Variants in GRAMD2B observed in about 807,000 individuals in gnomAD.
GRAMD2B encodes the protein GRAM domain containing 2B, also known as GRAM domain-containing protein 2B.
In GRAMD2B, 41 loss-of-function variants were observed where a neutral mutation model predicts 59.2. That is an observed-to-expected ratio of 0.69 (90% CI 0.54 to 0.90). GRAMD2B has a LOEUF of 0.90. Ranked by LOEUF, GRAMD2B falls within the 40% of genes least tolerant of loss-of-function variation. The pLI is 0.00. For missense variants in GRAMD2B, 424 were observed against 500.5 expected (o/e 0.85, Z 1.46); for synonymous variants, 161 against 182.7 (o/e 0.88, Z 0.96).
rs1300814437 is a variant in GRAMD2B, at chr5:126,360,538, A to T, written c.128+79A>T. 1.0e-5 allele frequency: 14 copies of T among 1,394,652 alleles called. No homozygotes were observed. The Admixed American group carries it at 3.2e-4, about 32-fold the overall frequency. 86.4% of individuals were successfully genotyped at this position (1,394,652 alleles called of 1,614,324 possible). A position where few individuals can be genotyped will look rare whatever the true frequency, so the allele number is the denominator to read the frequency against. On this transcript the variant is annotated intron_variant, in intron 1 of 13. Transcript: ENST00000513040. ...CTGTGGTTTAAAAGGCCTTTTTGGT[A>T]TCTTAAGGACAGAGTGTCTCCACAT...
At chr5:126,387,736 G>A (rs1756300734) in intron 1 of GRAMD2B, among the ~76,000 whole-genome samples, 1 of 151,928 alleles carries the variant, frequency 6.6e-6, no homozygotes, top group Admixed American at 6.6e-5. Flanking sequence ...GTCAGACAAT[G>A]GAGGAACAGA....
chr5:126,489,079 T>A (rs1314488004), intron 13 of GRAMD2B, among the ~76,000 whole-genome samples, 187 bp downstream of exon 13: 2 of 152,200 alleles, frequency 1.3e-5, no homozygotes, highest in African/African-American at 4.8e-5. Context: ...AAGAAATAGG[T>A]CTTAATCTCA....
chr5:126,408,551 G>A (rs1287107978), intron 1 of GRAMD2B, among the ~76,000 whole-genome samples: 1 of 151,520 alleles, frequency 6.6e-6, no homozygotes, highest in African/African-American at 2.4e-5. Context: ...ACACAAGCCA[G>A]GGTTGCAGTT....
At chr5:126,431,073 C>T (rs1192423181) in intron 1 of GRAMD2B, among the ~76,000 whole-genome samples, 2 of 152,198 alleles carry the variant, frequency 1.3e-5, no homozygotes, top group African/African-American at 4.8e-5. Context: ...TCCTGTCTCC[C>T]ACCTTATAGT....
chr5:126,428,568 G>A (rs1760998163), intron 1 of GRAMD2B, among the ~76,000 whole-genome samples: 1 of 152,176 alleles, frequency 6.6e-6, no homozygotes, highest in South Asian at 2.1e-4. Flanking sequence ...TAAGAATGCA[G>A]GCTCTAGGAA....
intron 2 of GRAMD2B, chr5:126,467,739 A>C (rs1198889409): frequency 6.6e-6 from 1 of 152,216 alleles, no homozygotes; most frequent in African/African-American, 2.4e-5. Context: ...TAATCCCTAG[A>C]ATTCCCAGGG....
chr5:126,398,162 C>A (rs1445728696), intron 1 of GRAMD2B, among the ~76,000 whole-genome samples: 2 of 151,356 alleles, frequency 1.3e-5, no homozygotes, highest in Non-Finnish European at 2.9e-5. Flanking sequence ...TTTCAGGGAT[C>A]ACAGTCATGC....
At chr5:126,360,206 T>C (rs1754157557) in exon 1 of GRAMD2B, 1 of 1,111,398 alleles carries the variant, frequency 9.0e-7, no homozygotes, top group Non-Finnish European at 1.3e-6. Context: ...ACTTCTGAGA[T>C]AGCACTTGTG....
exon 1 of GRAMD2B, chr5:126,360,263 C>A: frequency 1.3e-6 from 2 of 1,524,354 alleles, no homozygotes; most frequent in South Asian, 1.2e-5. Flanking sequence ...TTGGGCAGAT[C>A]TGGTGTAAAT....
intron 1 of GRAMD2B, among the ~76,000 whole-genome samples, chr5:126,379,423 G>C (rs970645313): frequency 2.0e-5 from 3 of 152,112 alleles, no homozygotes; most frequent in African/African-American, 7.2e-5. Flanking sequence ...AGATACCCAG[G>C]AGTGGGACTG....
intron 1 of GRAMD2B, among the ~76,000 whole-genome samples, chr5:126,429,346 A>G (rs1009880997): frequency 3.3e-5 from 5 of 152,174 alleles, no homozygotes; most frequent in Non-Finnish European, 5.9e-5. Flanking sequence ...GAACACATGG[A>G]CACACAGAGG....
At chr5:126,408,032 G>A (rs576185847) in intron 1 of GRAMD2B, among the ~76,000 whole-genome samples, 3 of 151,876 alleles carry the variant, frequency 2.0e-5, no homozygotes, top group Non-Finnish European at 4.4e-5. Flanking sequence ...GAGGTTTGGG[G>A]TACGATTGAT....
At chr5:126,467,735 C>A (rs1323452433) in intron 2 of GRAMD2B, 1 of 152,126 alleles carries the variant, frequency 6.6e-6, no homozygotes, top group African/African-American at 2.4e-5. Context: ...AATGTAATCC[C>A]TAGAATTCCC....
chr5:126,458,567 TG>T (rs1766769013), intron 1 of GRAMD2B, among the ~76,000 whole-genome samples: 1 of 152,078 alleles, frequency 6.6e-6, no homozygotes, highest in Non-Finnish European at 1.5e-5. Flanking sequence ...ATATTCAAAA[TG>T]GAAGGATGAG....
At chr5:126,452,971 A>G (rs1283756338) in intron 1 of GRAMD2B, among the ~76,000 whole-genome samples, 1 of 152,226 alleles carries the variant, frequency 6.6e-6, no homozygotes, top group African/African-American at 2.4e-5. Context: ...TCCTAAACAC[A>G]GTCTTCAGAA....
chr5:126,364,981 T>C (rs1475857625), intron 1 of GRAMD2B, among the ~76,000 whole-genome samples: 1 of 152,212 alleles, frequency 6.6e-6, no homozygotes, highest in Admixed American at 6.5e-5. Flanking sequence ...AAATAATGAC[T>C]GTATTTAGTG....
At chr5:126,430,006 A>T (rs1337394300) in intron 1 of GRAMD2B, among the ~76,000 whole-genome samples, 1 of 152,152 alleles carries the variant, frequency 6.6e-6, no homozygotes, top group Non-Finnish European at 1.5e-5. Flanking sequence ...AACTGTTTCC[A>T]CTTGCTAAAC....
chr5:126,471,059 CTG>C (rs1769476417), intron 3 of GRAMD2B, among the ~76,000 whole-genome samples: 1 of 152,150 alleles, frequency 6.6e-6, no homozygotes. Flanking sequence ...AGGAGTTTAT[CTG>C]TAAAATAGTT....
rs577403897 is a variant in GRAMD2B at position 126,413,412 on chromosome 5, T to C, written c.125+41845T>C. Among the ~76,000 whole-genome samples, 8 of 152,254 alleles carry C rather than the reference T, an allele frequency of 5.3e-5. No individual in the cohort carries two copies. The South Asian group carries it at 1.7e-3, about 32-fold the overall frequency. ...TTAAATTTCCATGTAATTTTGTAGT[T>C]TTGAGAGATCTTCTTGGAATCGATT... On this transcript the variant is annotated intron_variant, in intron 1 of 8. Coordinates refer to the GRAMD2B transcript ENST00000506445.
Sources: allele counts gnomAD v4.1 joint callset (sites outside exome capture counted in the v4.1 genomes callset), GRCh38; gene constraint gnomAD v4.1.1; transcripts MANE v1.5; gene names NCBI Gene and HGNC (gene_info 2026-07-23, HGNC 2026-07-21).